The following ACYP2 variants were observed in gnomAD, a reference collection of about 807,000 sequenced individuals.
ACYP2 encodes the protein acylphosphatase 2, also known as acylphosphatase-2.
ACYP2 carries 12 observed loss-of-function variants against 11.2 expected under a neutral mutation model. The observed-to-expected ratio is 1.08, with a 90% CI of 0.69 to 1.74. ACYP2 has a LOEUF of 1.74. ACYP2 is among the 40% of genes most tolerant of loss of function. ACYP2 has a pLI of 0.00. For synonymous variants in ACYP2, 43 were observed against 32.2 expected (o/e 1.33, Z -1.13); for missense variants, 134 against 101.9 (o/e 1.31, Z -1.35).
At chr2:54,088,401 C>T (rs1374715756) in intron 4 of ACYP2, among the ~76,000 whole-genome samples, 1 of 152,136 alleles carries the variant, frequency 6.6e-6, no homozygotes, top group Non-Finnish European at 1.5e-5. Flanking sequence ...ATGAAAGGGG[C>T]CCCACAGGGA....
At chr2:54,241,594 C>G (rs1489834304) in intron 6 of ACYP2, among the ~76,000 whole-genome samples, 1 of 152,034 alleles carries the variant, frequency 6.6e-6, no homozygotes, top group East Asian at 1.9e-4. Flanking sequence ...TTCGTCTATG[C>G]CAGGAGAAGT....
intron 6 of ACYP2, chr2:54,141,950 A>C (rs1489441638): frequency 3.4e-6 from 2 of 581,298 alleles, no homozygotes; most frequent in South Asian, 4.5e-5. Context: ...TGATCTTCCC[A>C]CGTCAACCTC....
intron 6 of ACYP2, among the ~76,000 whole-genome samples, chr2:54,169,430 T>C (rs1273699982): frequency 2.6e-5 from 4 of 152,100 alleles, no homozygotes; most frequent in Non-Finnish European, 5.9e-5. Flanking sequence ...CATCAAAAAA[T>C]GTGATAAACA....
At chr2:54,106,574 A>G (rs1314645621) in intron 4 of ACYP2, among the ~76,000 whole-genome samples, 1 of 151,156 alleles carries the variant, frequency 6.6e-6, no homozygotes, top group Non-Finnish European at 1.5e-5. Flanking sequence ...TAAGAGTTCA[A>G]CTAACATTTA....
intron 6 of ACYP2, among the ~76,000 whole-genome samples, chr2:54,205,110 T>G (rs1391443886): frequency 6.6e-6 from 1 of 152,236 alleles, no homozygotes; most frequent in Non-Finnish European, 1.5e-5. Flanking sequence ...CTGGTTTCCC[T>G]CCTTTGAATT....
chr2:54,291,835 C>A (rs922125315), intron 6 of ACYP2, among the ~76,000 whole-genome samples: 5 of 152,100 alleles, frequency 3.3e-5, no homozygotes, highest in African/African-American at 1.2e-4. Flanking sequence ...GAAAAATTGT[C>A]CAAGGCTTGA....
At chr2:54,280,093 G>A (rs1023891696) in intron 6 of ACYP2, among the ~76,000 whole-genome samples, 1 of 152,080 alleles carries the variant, frequency 6.6e-6, no homozygotes, top group Admixed American at 6.6e-5. Flanking sequence ...CACCATGATA[G>A]GAAAGTTACA....
chr2:54,093,976 C>G (rs900313006), intron 4 of ACYP2, among the ~76,000 whole-genome samples: 1 of 150,304 alleles, frequency 6.7e-6, no homozygotes, highest in Non-Finnish European at 1.5e-5. Context: ...CAAACAAACC[C>G]ACTCAGTATC....
intron 6 of ACYP2, among the ~76,000 whole-genome samples, chr2:54,186,703 G>A (rs1261527252): frequency 6.6e-6 from 1 of 151,826 alleles, no homozygotes; most frequent in Non-Finnish European, 1.5e-5. Flanking sequence ...TAGTAGAGAC[G>A]GGGCTTCACC....
rs1246679825 is a variant in ACYP2, at chr2:54,103,720, T to C, written c.278-31733T>C. ...GAAATATGATTTATTTATTTGAAAA[T>C]ATAGAGCTCAAGAAAGTGAATAGGA... On this transcript the variant is annotated intron_variant, in intron 4 of 6. Transcript: ENST00000607452. Among the ~76,000 whole-genome samples, 8 of 152,226 alleles carry C rather than the reference T, an allele frequency of 5.3e-5. No homozygotes were observed. The East Asian group carries it at 1.3e-3, about 26-fold the overall frequency.
intron 4 of ACYP2, among the ~76,000 whole-genome samples, chr2:54,113,996 A>G (rs983725597): frequency 2.6e-5 from 4 of 152,226 alleles, no homozygotes; most frequent in Non-Finnish European, 5.9e-5. Flanking sequence ...TTCACTACAT[A>G]AATTAACTGC....
chr2:54,025,951 C>T (rs932006232), intron 2 of ACYP2, among the ~76,000 whole-genome samples: 1 of 152,048 alleles, frequency 6.6e-6, no homozygotes, highest in African/African-American at 2.4e-5. Flanking sequence ...ACCCCATCTC[C>T]ATTAAAAATA....
intron 4 of ACYP2, among the ~76,000 whole-genome samples, chr2:54,095,098 A>G (rs991979179): frequency 1.3e-5 from 2 of 151,358 alleles, no homozygotes; most frequent in East Asian, 3.9e-4. Flanking sequence ...CTTAACGAGC[A>G]TGCTGCCTTC....
intron 4 of ACYP2, among the ~76,000 whole-genome samples, chr2:54,059,487 C>T (rs750988597): frequency 6.6e-6 from 1 of 152,190 alleles, no homozygotes; most frequent in Non-Finnish European, 1.5e-5. Flanking sequence ...GCTGGGATTA[C>T]AGGTGTCAGC....
intron 6 of ACYP2, among the ~76,000 whole-genome samples, chr2:54,199,569 G>A (rs1684666965): frequency 6.6e-6 from 1 of 152,146 alleles, no homozygotes; most frequent in Non-Finnish European, 1.5e-5. Context: ...AGTAAGTTTT[G>A]GGGTTAGATG....
chr2:54,119,911 T>C (rs1313321410), intron 4 of ACYP2, among the ~76,000 whole-genome samples: 1 of 152,216 alleles, frequency 6.6e-6, no homozygotes, highest in African/African-American at 2.4e-5. Flanking sequence ...GTCGATGACG[T>C]TGGCAGTTTT....
intron 6 of ACYP2, chr2:54,267,236 T>C (rs1688076151): frequency 1.3e-6 from 2 of 1,522,918 alleles, no homozygotes; most frequent in Non-Finnish European, 8.8e-7. Flanking sequence ...ACAAAGAAGC[T>C]CCCAATAAAA....
At chr2:54,013,376 C>T (rs1673499394) in intron 2 of ACYP2, among the ~76,000 whole-genome samples, 1 of 151,222 alleles carries the variant, frequency 6.6e-6, no homozygotes, top group Admixed American at 6.6e-5. Context: ...TCTCGGCTCA[C>T]TGCAACCTGT....
chr2:53,974,108 C>T (rs1239120882), intron 2 of ACYP2, among the ~76,000 whole-genome samples: 1 of 151,126 alleles, frequency 6.6e-6, no homozygotes, highest in African/African-American at 2.4e-5. Context: ...TAGAGACAGG[C>T]TTTCACCATA....
Sources: gnomAD v4.1 joint callset for allele counts (sites outside exome capture counted in the v4.1 genomes callset) on GRCh38, gnomAD v4.1.1 for gene constraint, MANE v1.5 for transcripts, NCBI Gene and HGNC (gene_info 2026-07-23, HGNC 2026-07-21) for gene names.